CDH12: variants seen among roughly 807,000 people sequenced by gnomAD.
The protein encoded by CDH12 is cadherin-12.
Under a neutral mutation model 74.1 loss-of-function variants are expected in CDH12, and 41 were observed. The observed-to-expected ratio is 0.55, with a 90% CI of 0.43 to 0.72. The LOEUF is 0.72. Ranked by LOEUF, CDH12 falls within the 30% of genes least tolerant of loss-of-function variation. The pLI, the probability that CDH12 is intolerant of heterozygous loss-of-function variation, is 0.00. For missense variants in CDH12, 945 were observed against 977.2 expected, an observed-to-expected ratio of 0.97 and a Z score of 0.44; for synonymous variants, 399 against 355.0, an observed-to-expected ratio of 1.12 and a Z score of -1.39.
intron 3 of CDH12, among the ~76,000 whole-genome samples, chr5:22,386,424 C>A (rs1299854092): frequency 1.3e-5 from 2 of 152,156 alleles, no homozygotes; most frequent in Non-Finnish European, 2.9e-5. Context: ...CTAAGACATC[C>A]TGGTGCTTAA....
At chr5:22,550,993 G>T (rs1205652479) in intron 1 of CDH12, among the ~76,000 whole-genome samples, 1 of 152,100 alleles carries the variant, frequency 6.6e-6, no homozygotes, top group African/African-American at 2.4e-5. Context: ...ATACTGACAT[G>T]TAGCTTTGGG....
chr5:22,275,972 A>G (rs1430606288), intron 3 of CDH12, among the ~76,000 whole-genome samples: 2 of 152,130 alleles, frequency 1.3e-5, no homozygotes, highest in African/African-American at 4.8e-5. Flanking sequence ...GAACTATTAA[A>G]GGGTTTTTTT....
chr5:22,488,110 T>C (rs560821725), intron 2 of CDH12, among the ~76,000 whole-genome samples: 5 of 152,296 alleles, frequency 3.3e-5, no homozygotes, highest in African/African-American at 1.2e-4. Flanking sequence ...CGTACAATTG[T>C]AGTGTTCCAG....
At chr5:22,418,665 C>T (rs1300476587) in intron 2 of CDH12, among the ~76,000 whole-genome samples, 1 of 152,084 alleles carries the variant, frequency 6.6e-6, no homozygotes, top group Non-Finnish European at 1.5e-5. Flanking sequence ...GGGAGGTTCA[C>T]TTGAGGTCAG....
intron 5 of CDH12, among the ~76,000 whole-genome samples, chr5:22,069,876 C>T (rs978696578): frequency 6.6e-6 from 1 of 152,118 alleles, no homozygotes; most frequent in East Asian, 1.9e-4. Flanking sequence ...GAACTAGTAA[C>T]GGTCTAGATC....
At chr5:21,887,769 A>G (rs1353883780) in intron 6 of CDH12, among the ~76,000 whole-genome samples, 1 of 152,140 alleles carries the variant, frequency 6.6e-6, no homozygotes, top group Non-Finnish European at 1.5e-5. Context: ...AATCACTACC[A>G]GGTTGCATGA....
Position 22,277,229 on chromosome 5 carries a change from C to T in CDH12, c.-332-64586G>A, listed in dbSNP as rs1227626498. On this transcript the variant is annotated intron_variant, in intron 3 of 14. Transcript: ENST00000382254. ...AGCTCTGCCAAGGTTGGCTCTGCTT[C>T]CCTATAGCAACTGGTATTTCTCTGC... 3.3e-5 allele frequency among the ~76,000 whole-genome samples: 5 copies of T among 152,186 alleles called. No individual in the cohort carries two copies. The South Asian group carries it at 8.3e-4, about 25-fold the overall frequency.
At chr5:22,023,142 T>A (rs907269477) in intron 5 of CDH12, among the ~76,000 whole-genome samples, 1 of 152,150 alleles carries the variant, frequency 6.6e-6, no homozygotes, top group African/African-American at 2.4e-5. Flanking sequence ...TCCATCTTGT[T>A]CCACTCTCCC....
rs1270099203 is a variant in CDH12, at chr5:22,523,996, T to A, written c.-522-18632A>T. ...TATTATTATTATTTTTTTTTTTTTT[T>A]TTTGAGACAAGGTTTCACTCCATCA... On this transcript the variant is annotated intron_variant, in intron 1 of 14. Coordinates refer to ENST00000382254, the MANE Select transcript of CDH12 (RefSeq NM_004061.5). Among the ~76,000 whole-genome samples the A allele has an allele frequency of 4.6e-5, 7 of 151,064 alleles. No individual in the cohort carries two copies. The East Asian group carries it at 9.7e-4, about 21-fold the overall frequency.
intron 1 of CDH12, among the ~76,000 whole-genome samples, chr5:22,789,994 G>T (rs1377727278): frequency 6.6e-6 from 1 of 151,924 alleles, no homozygotes; most frequent in Non-Finnish European, 1.5e-5. Context: ...TGACATAAAA[G>T]AAATATTTTT....
intron 3 of CDH12, among the ~76,000 whole-genome samples, chr5:22,266,746 A>G (rs1736136344): frequency 6.6e-6 from 1 of 152,160 alleles, no homozygotes; most frequent in Non-Finnish European, 1.5e-5. Flanking sequence ...CAGCAGAGAA[A>G]TGCACTTGAT....
intron 1 of CDH12, among the ~76,000 whole-genome samples, chr5:22,713,585 C>T (rs1481701294): frequency 1.3e-5 from 2 of 151,474 alleles, no homozygotes; most frequent in African/African-American, 4.9e-5. Flanking sequence ...ATACACACTG[C>T]GTAAGTGTTT....
At chr5:22,711,489 T>A (rs1373720119) in intron 1 of CDH12, among the ~76,000 whole-genome samples, 1 of 152,080 alleles carries the variant, frequency 6.6e-6, no homozygotes, top group Non-Finnish European at 1.5e-5. Flanking sequence ...ACAAAGGTCA[T>A]CATTGGAAAA....
At chr5:22,643,892 A>G (rs1466761137) in intron 1 of CDH12, among the ~76,000 whole-genome samples, 4 of 151,804 alleles carry the variant, frequency 2.6e-5, no homozygotes. Flanking sequence ...CATTTTCACT[A>G]TGATATTATC....
At chr5:22,305,992 C>G (rs1043618879) in intron 3 of CDH12, among the ~76,000 whole-genome samples, 2 of 152,080 alleles carry the variant, frequency 1.3e-5, no homozygotes, top group Admixed American at 1.3e-4. Flanking sequence ...AAGATTCATG[C>G]TGACATTGAC....
chr5:22,397,621 A>G (rs1308752514), intron 3 of CDH12, among the ~76,000 whole-genome samples: 1 of 152,108 alleles, frequency 6.6e-6, no homozygotes, highest in African/African-American at 2.4e-5. Flanking sequence ...CTTTCCTGTT[A>G]CCTGCATATG....
intron 11 of CDH12, among the ~76,000 whole-genome samples, chr5:21,768,687 G>C (rs1459331973): frequency 1.3e-5 from 2 of 151,848 alleles, no homozygotes; most frequent in Non-Finnish European, 2.9e-5. Flanking sequence ...ACACCCAGGT[G>C]GCTTCATGAG....
intron 4 of CDH12, among the ~76,000 whole-genome samples, chr5:22,119,570 G>A (rs1047670803): frequency 2.6e-5 from 4 of 152,006 alleles, no homozygotes; most frequent in Non-Finnish European, 5.9e-5. Flanking sequence ...GATTACAGGT[G>A]TAAGCCACAG....
intron 4 of CDH12, among the ~76,000 whole-genome samples, chr5:22,206,679 C>CAAAAAAAAA (rs71609754): frequency 5.4e-5 from 3 of 55,276 alleles, no homozygotes; most frequent in African/African-American, 1.5e-4. Flanking sequence ...GATTCCACTG[C>CAAAAAAAAA]AAAAAAAAAA....
Sources: allele counts gnomAD v4.1 joint callset (sites outside exome capture counted in the v4.1 genomes callset), GRCh38; gene constraint gnomAD v4.1.1; transcripts MANE v1.5; gene names NCBI Gene and HGNC (gene_info 2026-07-23, HGNC 2026-07-21).